The following CNTNAP2 variants were observed in gnomAD, a reference collection of about 807,000 sequenced individuals.
CNTNAP2 encodes contactin-associated protein-like 2.
In CNTNAP2, 98 loss-of-function variants were observed where a neutral mutation model predicts 155.2. That is an observed-to-expected ratio of 0.63 (90% CI 0.54 to 0.75). The LOEUF is 0.75. Ranked by LOEUF, CNTNAP2 falls within the 30% of genes least tolerant of loss-of-function variation. CNTNAP2 has a pLI of 0.00. For synonymous variants in CNTNAP2, 651 were observed against 631.2 expected (o/e 1.03, Z -0.47); for missense variants, 1,727 against 1,688.1 (o/e 1.02, Z -0.40).
At chr7:147,925,663 A>T (rs1341590485) in intron 14 of CNTNAP2, among the ~76,000 whole-genome samples, 1 of 152,022 alleles carries the variant, frequency 6.6e-6, no homozygotes, top group East Asian at 1.9e-4. Context: ...GGGTTTCACC[A>T]TGTTAGCCAG....
intron 4 of CNTNAP2, among the ~76,000 whole-genome samples, chr7:147,074,700 C>T (rs62481804): frequency 6.6e-6 from 1 of 152,022 alleles, no homozygotes; most frequent in African/African-American, 2.4e-5. Context: ...AAATGAAAAT[C>T]AATCATTTAA....
intron 13 of CNTNAP2, among the ~76,000 whole-genome samples, chr7:147,746,695 C>T (rs1797048138): frequency 6.6e-6 from 1 of 152,108 alleles, no homozygotes; most frequent in Admixed American, 6.5e-5. Context: ...TTTCTCCCAT[C>T]ACTGCTGTGG....
chr7:148,233,303 C>T (rs1248448364), intron 20 of CNTNAP2, among the ~76,000 whole-genome samples: 1 of 152,080 alleles, frequency 6.6e-6, no homozygotes, highest in African/African-American at 2.4e-5. Context: ...TCTCTCTTCC[C>T]AACCACATTG....
chr7:148,320,082 C>T (rs776392610), intron 21 of CNTNAP2, among the ~76,000 whole-genome samples: 13 of 152,068 alleles, frequency 8.5e-5, no homozygotes, highest in Non-Finnish European at 1.8e-4. Flanking sequence ...AACCACATTG[C>T]CTTAATTCCC....
At chr7:147,559,802 A>T (rs1800023865) in intron 11 of CNTNAP2, among the ~76,000 whole-genome samples, 2 of 151,046 alleles carry the variant, frequency 1.3e-5, no homozygotes, top group South Asian at 4.2e-4. Context: ...AGTTTAGTTT[A>T]CTCTTAACTC....
At chr7:146,780,254 C>T (rs1802461766) in intron 2 of CNTNAP2, among the ~76,000 whole-genome samples, 2 of 151,944 alleles carry the variant, frequency 1.3e-5, no homozygotes, top group East Asian at 1.9e-4. Context: ...GGTGCGATCT[C>T]GGCTCACTGC....
intron 21 of CNTNAP2, among the ~76,000 whole-genome samples, chr7:148,302,099 G>T (rs1438073908): frequency 6.6e-6 from 1 of 152,180 alleles, no homozygotes. Flanking sequence ...GTCACTGCTG[G>T]ATGCTGGACT....
At chr7:147,769,001 C>T in intron 13 of CNTNAP2, among the ~76,000 whole-genome samples, 1 of 151,980 alleles carries the variant, frequency 6.6e-6, no homozygotes, top group Non-Finnish European at 1.5e-5. Flanking sequence ...ATCATTTTAA[C>T]AAATCAAAAT....
intron 8 of CNTNAP2, among the ~76,000 whole-genome samples, chr7:147,226,939 C>T (rs529860254): frequency 6.6e-6 from 1 of 152,258 alleles, no homozygotes; most frequent in East Asian, 1.9e-4. Context: ...TCTGTCCTCA[C>T]TGAGCTTATA....
intron 15 of CNTNAP2, among the ~76,000 whole-genome samples, chr7:148,070,990 A>T (rs1803370153): frequency 1.3e-5 from 2 of 152,268 alleles, no homozygotes; most frequent in African/African-American, 4.8e-5. Flanking sequence ...CTTTTTTCCA[A>T]AATTTTCCCC....
chr7:147,399,705 T>C (rs539416191), intron 10 of CNTNAP2, among the ~76,000 whole-genome samples: 2 of 152,292 alleles, frequency 1.3e-5, no homozygotes, highest in East Asian at 3.9e-4. Context: ...TGGATATATG[T>C]ATGTAACAAG....
At chr7:148,027,486 G>T (rs11771401) in intron 15 of CNTNAP2, among the ~76,000 whole-genome samples, 6,251 of 152,204 alleles carry the variant, frequency 0.041, 166 homozygotes, top group South Asian at 0.12. Context: ...AGTGATTATG[G>T]GTTCATGGAA....
chr7:147,171,203 G>C (rs1035027113), intron 8 of CNTNAP2, among the ~76,000 whole-genome samples: 1 of 152,166 alleles, frequency 6.6e-6, no homozygotes, highest in African/African-American at 2.4e-5. Context: ...TTTGAGGCCC[G>C]GAATCAGCTT....
chr7:146,766,043 T>TA (rs988324685), intron 1 of CNTNAP2, among the ~76,000 whole-genome samples: 78 of 152,142 alleles, frequency 5.1e-4, no homozygotes, highest in African/African-American at 1.7e-3. Context: ...GATTTTATAC[T>TA]AAATAAGAGG....
At chr7:148,300,142 T>C (rs1040594284) in intron 21 of CNTNAP2, among the ~76,000 whole-genome samples, 4 of 152,206 alleles carry the variant, frequency 2.6e-5, no homozygotes, top group African/African-American at 9.6e-5. Context: ...GTTCTCTTTC[T>C]CTAACCCAGC....
chr7:146,284,420 C>T (rs1000647563), intron 1 of CNTNAP2, among the ~76,000 whole-genome samples: 1 of 151,824 alleles, frequency 6.6e-6, no homozygotes, highest in Non-Finnish European at 1.5e-5. Flanking sequence ...ATGCTGTTTT[C>T]CCCACTATAT....
At chr7:146,380,563 A>G (rs1795366482) in intron 1 of CNTNAP2, among the ~76,000 whole-genome samples, 1 of 152,098 alleles carries the variant, frequency 6.6e-6, no homozygotes, top group South Asian at 2.1e-4. Flanking sequence ...CTTATCTTTA[A>G]CCATCATAAA....
chr7:146,506,742 T>A (rs1386797759), intron 1 of CNTNAP2, among the ~76,000 whole-genome samples: 1 of 152,220 alleles, frequency 6.6e-6, no homozygotes. Context: ...AGGTGTCTCC[T>A]CCTTAGTGAT....
chr7:147,138,135 C>T lies in CNTNAP2; in HGVS notation c.1348+5626C>T, dbSNP rs144235457. On this transcript the variant is annotated intron_variant, in intron 8 of 23. Transcript: ENST00000361727. ...GGGCTTGTAGATATCTAAAAATTTCCGGTAAAGGCAAATCCATCATCTTAA... is the reference window on the plus strand; with the variant it reads ...GGGCTTGTAGATATCTAAAAATTTCTGGTAAAGGCAAATCCATCATCTTAA... Among the ~76,000 whole-genome samples the T allele has an allele frequency of 5.3e-4, 81 of 151,684 alleles. No individual in the cohort carries two copies. In the East Asian group the frequency reaches 0.013, roughly 24 times the overall value.
Sources: allele counts gnomAD v4.1 joint callset (sites outside exome capture counted in the v4.1 genomes callset), GRCh38; gene constraint gnomAD v4.1.1; transcripts MANE v1.5; gene names NCBI Gene and HGNC (gene_info 2026-07-23, HGNC 2026-07-21).